FLRT1: variants seen among roughly 807,000 people sequenced by gnomAD.
The protein encoded by FLRT1 is fibronectin leucine rich transmembrane protein 1.
Under a neutral mutation model 30.9 loss-of-function variants are expected in FLRT1, and 14 were observed. That is an observed-to-expected ratio of 0.45 (90% CI 0.30 to 0.71). The LOEUF (loss-of-function observed/expected upper bound fraction) is 0.71. Among genes scored for constraint, FLRT1 ranks in the 30% least tolerant of loss-of-function variants. The pLI, the probability that FLRT1 is intolerant of heterozygous loss-of-function variation, is 0.08. For synonymous variants in FLRT1, 368 were observed against 430.4 expected, an observed-to-expected ratio of 0.85 and a Z score of 1.80; for missense variants, 737 against 949.2, an observed-to-expected ratio of 0.78 and a Z score of 2.94.
intron 1 of FLRT1, among the ~76,000 whole-genome samples, chr11:64,083,500 C>A (rs547650177): frequency 6.6e-6 from 1 of 152,316 alleles, no homozygotes; most frequent in East Asian, 1.9e-4. Context: ...CTGTCCGCTT[C>A]GGGTGCCTGG....
intron 1 of FLRT1, among the ~76,000 whole-genome samples, chr11:64,045,431 G>A (rs1943566196): frequency 6.6e-6 from 1 of 152,238 alleles, no homozygotes; most frequent in South Asian, 2.1e-4. Flanking sequence ...AAGAGCGCAG[G>A]AGAGAGGAGG....
intron 2 of FLRT1, among the ~76,000 whole-genome samples, chr11:64,106,297 G>A (rs1485234768): frequency 1.3e-5 from 2 of 151,978 alleles, no homozygotes; most frequent in Non-Finnish European, 1.5e-5. Flanking sequence ...TCACCATGAC[G>A]TCCTGGGGTG....
Position 64,116,228 on chromosome 11 carries a change from C to T in FLRT1, c.-40C>T. ...CCTGTGCTCCTTGCAGGTATTCAGG[C>T]TCCAGGCCAGGTGGGGCCGGACGCC... is the stretch of plus-strand genomic sequence containing the variant. On this transcript the variant is annotated 5_prime_UTR_variant, in exon 3 of 3. Coordinates refer to ENST00000682287, the MANE Select transcript of FLRT1 (RefSeq NM_013280.5). 1.3e-6 allele frequency: 2 copies of T among 1,567,858 alleles called. No homozygotes were observed. The highest frequency in any genetic ancestry group is 1.2e-5 in the South Asian group (1 of 85,160).
intron 1 of FLRT1, among the ~76,000 whole-genome samples, chr11:64,083,987 T>C (rs1444176922): frequency 8.0e-6 from 1 of 125,070 alleles, no homozygotes; most frequent in Non-Finnish European, 1.7e-5. Context: ...TTTACACAAC[T>C]GGAACACGTG....
intron 1 of FLRT1, among the ~76,000 whole-genome samples, chr11:64,098,932 G>A (rs1374393153): frequency 6.6e-6 from 1 of 152,236 alleles, no homozygotes; most frequent in African/African-American, 2.4e-5. Context: ...AGGTTGAAAT[G>A]AAACAGGAGG....
chr11:64,066,294 CAAAAAAAAAAAAAA>C (rs59963244), intron 1 of FLRT1, among the ~76,000 whole-genome samples: 5 of 50,936 alleles, frequency 9.8e-5, no homozygotes, highest in Admixed American at 2.1e-4. Context: ...GAGACTGTCT[CAAAAAAAAAAAAAA>C]AAAAAAAAAA....
rs145628694 is a variant in FLRT1 at position 64,067,261 on chromosome 11, C to T, written c.-1038+31102C>T. Among the ~76,000 whole-genome samples the T allele has an allele frequency of 1.5e-3, 228 of 152,166 alleles. 2 individuals are homozygous for T. In the Middle Eastern group the frequency reaches 0.037, roughly 25 times the overall value. On this transcript the variant is annotated intron_variant, in intron 1 of 2. Coordinates refer to ENST00000682287, the MANE Select transcript of FLRT1 (RefSeq NM_013280.5). The surrounding 1 kb of genome is among the most constrained non-coding windows in gnomAD (Gnocchi z 4.6). ...GGCACCCACTCCCACCTGTGCGGCA[C>T]GAGAGGGAGGGAAGGAGCATCATTA...
Position 64,090,569 on chromosome 11 carries a change from C to T in FLRT1, c.-1037-12625C>T, listed in dbSNP as rs866331803. 2.7e-4 allele frequency among the ~76,000 whole-genome samples: 41 copies of T among 152,240 alleles called. No individual in the cohort carries two copies. The highest frequency in any genetic ancestry group is 8.4e-4 in the African/African-American group (35 of 41,566). On this transcript the variant is annotated intron_variant, in intron 1 of 2. Transcript: ENST00000682287. The surrounding 1 kb of genome is among the most constrained non-coding windows in gnomAD (Gnocchi z 4.7). ...CACAGGTGGCTGGGCCAGGAGGCTC[C>T]GGGATGAGGCAGGAAGTGGAGGCTG...
intron 1 of FLRT1, among the ~76,000 whole-genome samples, chr11:64,057,250 G>C (rs1943803814): frequency 6.6e-6 from 1 of 152,252 alleles, no homozygotes; most frequent in Non-Finnish European, 1.5e-5. Context: ...TAGGGGACGG[G>C]ACAGCCCATT....
rs71045724 is a variant in FLRT1, at chr11:64,041,199, TAAAAA to T, written c.-1038+5066_-1038+5070del. ...AGATTACAACAGATTTAGCAAACTG[TAAAAA>T]AAAAAAAAAAAAAAAAAAAAAAAAA... On this transcript the variant is annotated intron_variant, in intron 1 of 2. Transcript: ENST00000682287. Among the ~76,000 whole-genome samples the T allele has an allele frequency of 3.2e-4, 7 of 21,606 alleles. No individual in the cohort carries two copies. In the South Asian group the frequency reaches 0.023, roughly 72 times the overall value. 14.2% of individuals were successfully genotyped at this position (21,606 alleles called of 152,430 possible). A position where few individuals can be genotyped will look rare whatever the true frequency, so the allele number is the denominator to read the frequency against.
In FLRT1 at chr11:64,118,594, GTT is replaced by G. The variant is rs10570373; in HGVS notation, c.*313_*314del. 0.01 allele frequency: 2,416 copies of G among 237,920 alleles called. 2 individuals are homozygous for G. The highest frequency in any genetic ancestry group is 0.019 in the Middle Eastern group (12 of 622). 14.7% of individuals were successfully genotyped at this position (237,920 alleles called of 1,614,324 possible). A position where few individuals can be genotyped will look rare whatever the true frequency, so the allele number is the denominator to read the frequency against. On this transcript the variant is annotated 3_prime_UTR_variant, in exon 3 of 3. Coordinates refer to ENST00000682287, the MANE Select transcript of FLRT1 (RefSeq NM_013280.5). ...AATATTGCAGGCAGGGCTGGGTTGG[GTT>G]TTTTTTTTTTCCCCCCTGAACTGGA... is the stretch of plus-strand genomic sequence containing the variant.
chr11:64,057,600 G>C (rs920442845), intron 1 of FLRT1, among the ~76,000 whole-genome samples: 3 of 152,094 alleles, frequency 2.0e-5, no homozygotes, highest in African/African-American at 7.2e-5. Context: ...GTCACTGCCC[G>C]AGCAGGACCT....
chr11:64,069,426 T>C (rs1944064964), intron 1 of FLRT1, among the ~76,000 whole-genome samples: 1 of 152,180 alleles, frequency 6.6e-6, no homozygotes, highest in Non-Finnish European at 1.5e-5. Flanking sequence ...TCAGGGACCC[T>C]GGGGGTCTTG....
chr11:64,077,946 AT>A (rs903240677), intron 1 of FLRT1, among the ~76,000 whole-genome samples: 39 of 152,166 alleles, frequency 2.6e-4, no homozygotes, highest in Non-Finnish European at 5.3e-4. Flanking sequence ...CTAAGCCCTG[AT>A]GGGCCCGTGC....
rs35851449 is a variant in FLRT1, at chr11:64,117,995, C to T, written c.1728C>T (p.Tyr576=). Reference sequence around the variant, plus strand: ...TGGTCCTGGGGGCCATCTGCTGGTACGTGCACCAGGCTGGCGAGCTGCTGA... The same window carrying T: ...TGGTCCTGGGGGCCATCTGCTGGTATGTGCACCAGGCTGGCGAGCTGCTGA... ...LFLVLGAICW[Y]VHQAGELLTR... The change falls in exon 3 of 3, where the codon TAC becomes TAT. Residue 576 remains tyrosine, a synonymous_variant. Coordinates refer to ENST00000682287, the MANE Select transcript of FLRT1 (RefSeq NM_013280.5). 2.5e-3 allele frequency: 4,074 copies of T among 1,613,774 alleles called. 68 individuals carry two copies. The African/African-American group carries it at 0.04, about 16-fold the overall frequency.
In FLRT1 at chr11:64,078,361, G is replaced by A. The variant is rs79473372; in HGVS notation, c.-1037-24833G>A. Among the ~76,000 whole-genome samples the A allele has an allele frequency of 3.4e-3, 523 of 152,346 alleles. 1 individual carries two copies. The highest frequency in any genetic ancestry group is 0.011 in the African/African-American group (470 of 41,572). On this transcript the variant is annotated intron_variant, in intron 1 of 2. Coordinates refer to ENST00000682287, the MANE Select transcript of FLRT1 (RefSeq NM_013280.5). ...CCCTCCCAGTCCCTGGCCCGTCTGC[G>A]TTCAGCAGCTGCTCTCAGGGGGCTG...
intron 1 of FLRT1, among the ~76,000 whole-genome samples, chr11:64,069,204 C>T (rs566084763): frequency 1.2e-3 from 181 of 152,282 alleles, no homozygotes; most frequent in African/African-American, 4.1e-3. Context: ...CCACTGCGCG[C>T]GGCCGGGGGC....
intron 1 of FLRT1, among the ~76,000 whole-genome samples, chr11:64,101,855 T>G (rs1049767827): frequency 3.9e-5 from 6 of 152,040 alleles, no homozygotes; most frequent in Non-Finnish European, 8.8e-5. Flanking sequence ...TCCTTCTTCC[T>G]AGGGCAGCTT....
At chr11:64,071,969 G>A (rs112129090) in intron 1 of FLRT1, among the ~76,000 whole-genome samples, 29 of 152,312 alleles carry the variant, frequency 1.9e-4, no homozygotes, top group African/African-American at 6.5e-4. Flanking sequence ...CTCAGCTGCC[G>A]AGGGGAACGG....
Sources: allele counts gnomAD v4.1 joint callset (sites outside exome capture counted in the v4.1 genomes callset), GRCh38; gene constraint gnomAD v4.1.1; non-coding constraint Gnocchi (gnomAD v3.1); transcripts MANE v1.5; gene names NCBI Gene and HGNC (gene_info 2026-07-23, HGNC 2026-07-21).